The following KCNIP4 variants were observed in gnomAD, a reference collection of about 807,000 sequenced individuals.
KCNIP4 encodes the protein potassium voltage-gated channel interacting protein 4, also known as Kv channel-interacting protein 4.
In KCNIP4, 12 loss-of-function variants were observed where a neutral mutation model predicts 34.0. That is an observed-to-expected ratio of 0.35 (90% CI 0.23 to 0.57). KCNIP4 has a LOEUF of 0.57. Ranked by LOEUF, KCNIP4 falls within the 20% of genes least tolerant of loss-of-function variation. The probability of loss-of-function intolerance (pLI) is 0.83; values close to 1 mark genes in which losing one functional copy is unlikely to be tolerated. For missense variants in KCNIP4, 238 were observed against 311.7 expected (o/e 0.76, Z 1.78); for synonymous variants, 124 against 102.2 (o/e 1.21, Z -1.29).
At chr4:21,413,733 T>G (rs1427519811) in intron 1 of KCNIP4, among the ~76,000 whole-genome samples, 1 of 152,202 alleles carries the variant, frequency 6.6e-6, no homozygotes, top group Non-Finnish European at 1.5e-5. Flanking sequence ...GAATGAATCT[T>G]CAGCTCCTTT....
chr4:21,548,657 T>C (rs180734147), intron 1 of KCNIP4, among the ~76,000 whole-genome samples: 20 of 141,278 alleles, frequency 1.4e-4, no homozygotes, highest in Non-Finnish European at 2.7e-4. Flanking sequence ...CCTTCTCATA[T>C]ACAAAAAAAA....
At chr4:21,754,225 G>T (rs1165512440) in intron 1 of KCNIP4, among the ~76,000 whole-genome samples, 2 of 152,018 alleles carry the variant, frequency 1.3e-5, no homozygotes, top group Non-Finnish European at 2.9e-5. Context: ...ACAATGGAAA[G>T]TTCTCCTTCT....
intron 1 of KCNIP4, among the ~76,000 whole-genome samples, chr4:21,483,504 T>G (rs1731628965): frequency 6.6e-6 from 1 of 152,016 alleles, no homozygotes; most frequent in Admixed American, 6.6e-5. Flanking sequence ...TTTAAAAGTG[T>G]GTGGGCCGGG....
At chr4:21,686,893 A>G (rs961909749) in intron 1 of KCNIP4, among the ~76,000 whole-genome samples, 31 of 150,888 alleles carry the variant, frequency 2.1e-4, no homozygotes, top group Non-Finnish European at 4.0e-4. Context: ...GGCATTATTC[A>G]CAATAGCAAA....
chr4:20,807,267 T>C (rs1322660592), intron 3 of KCNIP4, among the ~76,000 whole-genome samples: 1 of 152,176 alleles, frequency 6.6e-6, no homozygotes, highest in Non-Finnish European at 1.5e-5. Context: ...CTTCTTTATT[T>C]TCTCATTAGC....
At chr4:20,985,865 T>A (rs1736523541) in intron 1 of KCNIP4, among the ~76,000 whole-genome samples, 1 of 152,176 alleles carries the variant, frequency 6.6e-6, no homozygotes, top group Admixed American at 6.5e-5. Context: ...AGAAGTATTA[T>A]AGTATACCAT....
chr4:21,127,677 A>G (rs2109158553), intron 1 of KCNIP4, among the ~76,000 whole-genome samples: 1 of 152,338 alleles, frequency 6.6e-6, no homozygotes, highest in South Asian at 2.1e-4. Flanking sequence ...AAATGAAAGA[A>G]ACAAATGAAA....
intron 1 of KCNIP4, among the ~76,000 whole-genome samples, chr4:21,158,350 T>TA (rs142420133): frequency 0.026 from 3,840 of 150,548 alleles, 179 homozygotes; most frequent in African/African-American, 0.087. Context: ...GCGTTACAAA[T>TA]AAAAAAAAAT....
intron 1 of KCNIP4, among the ~76,000 whole-genome samples, chr4:21,448,196 A>G (rs1371893441): frequency 1.3e-5 from 2 of 152,174 alleles, no homozygotes; most frequent in African/African-American, 4.8e-5. Flanking sequence ...TTTGGTAGAA[A>G]TATAAGTGCT....
At chr4:21,734,013 T>C (rs547844263) in intron 1 of KCNIP4, among the ~76,000 whole-genome samples, 1 of 152,278 alleles carries the variant, frequency 6.6e-6, no homozygotes, top group African/African-American at 2.4e-5. Context: ...TGTCAGACAC[T>C]ATCAGAGACT....
At chr4:21,237,168 G>A (rs6846917) in intron 1 of KCNIP4, among the ~76,000 whole-genome samples, 77,533 of 151,968 alleles carry the variant, frequency 0.51, 22,477 homozygotes, top group African/African-American at 0.8. Flanking sequence ...AATTAATTAC[G>A]TACTTTCATT....
intron 1 of KCNIP4, among the ~76,000 whole-genome samples, chr4:21,759,537 T>C (rs559519375): frequency 6.6e-6 from 1 of 152,312 alleles, no homozygotes; most frequent in Admixed American, 6.5e-5. Flanking sequence ...CTACTTTTCA[T>C]AGACATCAGA....
At chr4:21,247,976 T>C (rs890829157) in intron 1 of KCNIP4, among the ~76,000 whole-genome samples, 1 of 108,680 alleles carries the variant, frequency 9.2e-6, no homozygotes, top group Non-Finnish European at 1.7e-5. Context: ...CACACACATA[T>C]ATATATACAC....
intron 1 of KCNIP4, among the ~76,000 whole-genome samples, chr4:21,698,303 A>C (rs2109058770): frequency 6.6e-6 from 1 of 152,314 alleles, no homozygotes; most frequent in South Asian, 2.1e-4. Context: ...TAGCCTAGAA[A>C]CCAGAAATCT....
At chr4:21,844,200 T>C (rs535203664) in intron 1 of KCNIP4, 2 of 152,124 alleles carry the variant, frequency 1.3e-5, no homozygotes, top group East Asian at 3.9e-4. Flanking sequence ...GCAATTAGAA[T>C]AGAAAATAGA....
At chr4:21,155,180 C>T (rs1056013830) in intron 1 of KCNIP4, among the ~76,000 whole-genome samples, 1 of 152,094 alleles carries the variant, frequency 6.6e-6, no homozygotes, top group Non-Finnish European at 1.5e-5. Flanking sequence ...GGCATGCCAG[C>T]CCTATTTTGC....
At chr4:20,804,510 A>G (rs1486202383) in intron 3 of KCNIP4, among the ~76,000 whole-genome samples, 1 of 152,116 alleles carries the variant, frequency 6.6e-6, no homozygotes, top group Non-Finnish European at 1.5e-5. Context: ...AAAACCACAT[A>G]TCTACAACCA....
intron 1 of KCNIP4, among the ~76,000 whole-genome samples, chr4:21,083,962 G>T (rs1475834659): frequency 4.6e-5 from 7 of 151,804 alleles, no homozygotes; most frequent in Non-Finnish European, 2.9e-5. Context: ...AATCTATAAA[G>T]CTCCTGAGGG....
intron 1 of KCNIP4, among the ~76,000 whole-genome samples, chr4:21,300,697 T>G (rs2109240172): frequency 6.6e-6 from 1 of 152,214 alleles, no homozygotes; most frequent in East Asian, 1.9e-4. Flanking sequence ...CAATGAATAT[T>G]TCCCTGAGGT....
Sources: allele counts gnomAD v4.1 joint callset (sites outside exome capture counted in the v4.1 genomes callset), GRCh38; gene constraint gnomAD v4.1.1; transcripts MANE v1.5; gene names NCBI Gene and HGNC (gene_info 2026-07-23, HGNC 2026-07-21).